Variants in KCTD2 observed in about 807,000 individuals in gnomAD.
KCTD2 encodes the protein potassium channel tetramerization domain containing 2.
KCTD2 carries 18 observed loss-of-function variants against 27.9 expected under a neutral mutation model. The ratio of observed to expected loss-of-function variants is 0.64; its 90% CI spans 0.45 to 0.96. KCTD2 has a LOEUF of 0.96. Among genes scored for constraint, KCTD2 ranks in the 40% least tolerant of loss-of-function variants. The pLI, the probability that KCTD2 is intolerant of heterozygous loss-of-function variation, is 0.00. For missense variants in KCTD2, 280 were observed against 348.0 expected (o/e 0.80, Z 1.56); for synonymous variants, 175 against 148.4 (o/e 1.18, Z -1.30).
At chr17:75,035,618 G>T (rs2040108530) in intron 3 of KCTD2, among the ~76,000 whole-genome samples, 1 of 152,106 alleles carries the variant, frequency 6.6e-6, no homozygotes, top group African/African-American at 2.4e-5. Flanking sequence ...CAAAGTTCGA[G>T]ACCCGCCTGA....
rs576642755 is a variant in KCTD2, at chr17:75,033,410, A to T, written c.-469-623A>T. Among the ~76,000 whole-genome samples the T allele has an allele frequency of 3.5e-4, 53 of 152,012 alleles. 1 individual carries two copies. In the South Asian group the frequency reaches 0.01, roughly 29 times the overall value. Reference sequence around the variant, plus strand: ...TACTTGTAGTATCTAGTATATATATATTTCTACTATTACAACTGGAAGAAC... The same window carrying T: ...TACTTGTAGTATCTAGTATATATATTTTTCTACTATTACAACTGGAAGAAC... On this transcript the variant is annotated intron_variant, in intron 1 of 7. Transcript: ENST00000581589.
At chr17:75,053,344 G>A (rs1474225356) in intron 3 of KCTD2, among the ~76,000 whole-genome samples, 3 of 152,162 alleles carry the variant, frequency 2.0e-5, no homozygotes, top group Non-Finnish European at 2.9e-5. Flanking sequence ...CAGATGGCGG[G>A]AGGAGGCGCC....
chr17:75,036,763 T>C (rs956530303), intron 3 of KCTD2, among the ~76,000 whole-genome samples: 2 of 152,266 alleles, frequency 1.3e-5, no homozygotes, highest in Admixed American at 6.5e-5. Flanking sequence ...GCGGGATGGC[T>C]GAGTGCCAGT....
At chr17:75,034,403 G>T (rs1251042251) in intron 2 of KCTD2, among the ~76,000 whole-genome samples, 1 of 152,146 alleles carries the variant, frequency 6.6e-6, no homozygotes, top group African/African-American at 2.4e-5. Context: ...GGCACCAAAA[G>T]AAACCTTGCG....
intron 3 of KCTD2, among the ~76,000 whole-genome samples, chr17:75,055,453 C>T (rs769829788): frequency 1.3e-5 from 2 of 151,684 alleles, no homozygotes; most frequent in East Asian, 1.9e-4. Context: ...TGGTGGCTCA[C>T]GCCTGTAATC....
In KCTD2 at chr17:75,059,564, C is replaced by T; in HGVS notation, c.595C>T (p.Gln199Ter). 6.2e-7 allele frequency: 1 copy of T among 1,614,166 alleles called. No homozygotes were observed. The highest frequency in any genetic ancestry group is 8.5e-7 in the Non-Finnish European group (1 of 1,180,014). The change falls in exon 4 of 6, where the codon CAG becomes TAG. Residue 199 changes from glutamine to a stop codon, truncating the protein, a stop_gained. Coordinates refer to ENST00000322444, the MANE Select transcript of KCTD2 (RefSeq NM_015353.3). LOFTEE classifies it high-confidence loss of function. ...GCAGTGTCAGGAAGAAGAGCTCACGCAGATGGTGTCCACGATGTCCGACGG... is the reference window on the plus strand; with the variant it reads ...GCAGTGTCAGGAAGAAGAGCTCACGTAGATGGTGTCCACGATGTCCGACGG... ...VLQCQEEELT[Q>*]MVSTMSDGWK...
At chr17:75,047,851 C>T (rs1598120250) in intron 1 of KCTD2, among the ~76,000 whole-genome samples, 2 of 152,182 alleles carry the variant, frequency 1.3e-5, no homozygotes, top group African/African-American at 4.8e-5. Flanking sequence ...CCCACCTGCA[C>T]CCACGAGAAC....
chr17:75,054,929 C>G (rs762361932), intron 3 of KCTD2, among the ~76,000 whole-genome samples: 35 of 152,122 alleles, frequency 2.3e-4, no homozygotes, highest in Admixed American at 5.2e-4. Context: ...GAGTCGTGCT[C>G]CACCATGACT....
chr17:75,049,481 C>T (rs1189272262), intron 2 of KCTD2, among the ~76,000 whole-genome samples, 153 bp downstream of exon 2: 2 of 152,218 alleles, frequency 1.3e-5, no homozygotes, highest in Non-Finnish European at 2.9e-5. Flanking sequence ...CCAGTCTTGT[C>T]TGAGGGAGTC....
chr17:75,053,884 T>TTTTTTA (rs2073320829), intron 3 of KCTD2, among the ~76,000 whole-genome samples: 1 of 141,790 alleles, frequency 7.1e-6, no homozygotes, highest in East Asian at 2.0e-4. Context: ...TTTTTTTTTT[T>TTTTTTA]GAGACAGAGT....
upstream of KCTD2, among the ~76,000 whole-genome samples, chr17:75,043,474 G>A (rs1027757406): frequency 6.6e-6 from 1 of 152,018 alleles, no homozygotes; most frequent in African/African-American, 2.4e-5. Context: ...TTAGCCGGGC[G>A]TGATGGCATG....
intron 3 of KCTD2, among the ~76,000 whole-genome samples, chr17:75,058,434 GT>G: frequency 6.6e-6 from 1 of 151,906 alleles, no homozygotes; most frequent in Non-Finnish European, 1.5e-5. Context: ...AACCAGGGAG[GT>G]GGAGGTTGCA....
intron 2 of KCTD2, among the ~76,000 whole-genome samples, chr17:75,052,734 A>G (rs570443364): frequency 2.0e-5 from 3 of 151,824 alleles, no homozygotes; most frequent in East Asian, 1.9e-4. Context: ...GGGCGGGGGG[A>G]AAAAATAGAA....
At chr17:75,035,602 C>G (rs1047644939) in intron 3 of KCTD2, among the ~76,000 whole-genome samples, 11 of 152,200 alleles carry the variant, frequency 7.2e-5, no homozygotes, top group African/African-American at 2.6e-4. Context: ...GGGCGGATCA[C>G]GAGGTCAAAG....
upstream of KCTD2, chr17:75,042,660 C>A: frequency 1.3e-6 from 2 of 1,589,574 alleles, no homozygotes; most frequent in Admixed American, 1.9e-5. Context: ...TTTTGGGATC[C>A]TGAAAAATAA....
intron 3 of KCTD2, chr17:75,036,112 A>G (rs1319944128): frequency 2.2e-6 from 1 of 447,850 alleles, no homozygotes; most frequent in Non-Finnish European, 4.5e-6. Context: ...GGAGTGCAGT[A>G]GCGTGATCTC....
chr17:75,049,025 A>G, intron 1 of KCTD2, 195 bp from the exon 2 acceptor site: 3 of 491,004 alleles, frequency 6.1e-6, no homozygotes, highest in Non-Finnish European at 1.1e-5. Flanking sequence ...AATGTACAAG[A>G]TACATAAAGC....
intron 2 of KCTD2, among the ~76,000 whole-genome samples, chr17:75,051,277 C>CTTTT (rs35794705): frequency 2.6e-4 from 17 of 64,612 alleles, no homozygotes; most frequent in Admixed American, 6.4e-4. Flanking sequence ...CGCGCCCGAC[C>CTTTT]TTTTTTTTTT....
intron 1 of KCTD2, chr17:75,033,070 G>C (rs2040079481): frequency 6.6e-6 from 1 of 152,218 alleles, no homozygotes; most frequent in African/African-American, 2.4e-5. Context: ...GCTGCCCTTG[G>C]CTGAACTTCT....
Sources: gnomAD v4.1 joint callset for allele counts (sites outside exome capture counted in the v4.1 genomes callset) on GRCh38, gnomAD v4.1.1 for gene constraint, MANE v1.5 for transcripts, NCBI Gene and HGNC (gene_info 2026-07-23, HGNC 2026-07-21) for gene names.